VWC2L: variants seen among roughly 807,000 people sequenced by gnomAD.
The protein encoded by VWC2L is von Willebrand factor C domain-containing protein 2-like.
Under a neutral mutation model 21.6 loss-of-function variants are expected in VWC2L, and 10 were observed. The ratio of observed to expected loss-of-function variants is 0.46; its 90% CI spans 0.29 to 0.78. The LOEUF (loss-of-function observed/expected upper bound fraction) is 0.78. Among genes scored for constraint, VWC2L ranks in the 30% least tolerant of loss-of-function variants. VWC2L has a pLI of 0.10. For synonymous variants in VWC2L, 96 were observed against 94.3 expected (o/e 1.02, Z -0.10); for missense variants, 209 against 277.1 (o/e 0.75, Z 1.74).
At chr2:214,445,474 G>A (rs1014653201) in intron 3 of VWC2L, among the ~76,000 whole-genome samples, 1 of 151,612 alleles carries the variant, frequency 6.6e-6, no homozygotes, top group East Asian at 1.9e-4. Flanking sequence ...TTAAACTAAT[G>A]AGCCAGAAAC....
intron 3 of VWC2L, among the ~76,000 whole-genome samples, chr2:214,488,538 G>A (rs143034061): frequency 2.5e-4 from 38 of 152,254 alleles, no homozygotes; most frequent in Middle Eastern, 3.4e-3. Flanking sequence ...GGTCAAGGCT[G>A]CATGAGCCGT....
chr2:214,564,153 T>A (rs1178017220), intron 3 of VWC2L, among the ~76,000 whole-genome samples: 1 of 152,090 alleles, frequency 6.6e-6, no homozygotes, highest in African/African-American at 2.4e-5. Flanking sequence ...AAAATACTCC[T>A]CAGAGAAATC....
At chr2:214,465,562 A>C (rs1295560857) in intron 3 of VWC2L, among the ~76,000 whole-genome samples, 1 of 151,824 alleles carries the variant, frequency 6.6e-6, no homozygotes, top group Non-Finnish European at 1.5e-5. Context: ...GGAAGGAATA[A>C]CTCCTGGACC....
At position 214,537,865 on chromosome 2, in the gene VWC2L, C is replaced by A. The variant is rs572321779; in HGVS notation, c.521-37807C>A. On this transcript the variant is annotated intron_variant, in intron 3 of 3. Coordinates refer to ENST00000312504, the MANE Select transcript of VWC2L (RefSeq NM_001080500.4). Reference sequence around the variant, plus strand: ...CAATCCATAAAACCAAACAAAGTGACCAAAAATAAGCAAATTGCTTCCAAA... The same window carrying A: ...CAATCCATAAAACCAAACAAAGTGAACAAAAATAAGCAAATTGCTTCCAAA... Among the ~76,000 whole-genome samples the A allele has an allele frequency of 5.4e-5, 8 of 149,288 alleles. No homozygotes were observed. In the South Asian group the frequency reaches 1.7e-3, roughly 32 times the overall value.
intron 3 of VWC2L, among the ~76,000 whole-genome samples, chr2:214,503,356 GA>G (rs1048860243): frequency 1.1e-4 from 16 of 146,274 alleles, no homozygotes; most frequent in Admixed American, 1.3e-4. Context: ...ATTTTAATCA[GA>G]AAAAAAAATG....
At chr2:214,487,378 G>C (rs902132705) in intron 3 of VWC2L, among the ~76,000 whole-genome samples, 1 of 151,962 alleles carries the variant, frequency 6.6e-6, no homozygotes, top group African/African-American at 2.4e-5. Context: ...CTGGTCAGTT[G>C]CTGGGGCTAC....
chr2:214,533,245 G>A (rs1157058536), intron 3 of VWC2L, among the ~76,000 whole-genome samples: 1 of 152,002 alleles, frequency 6.6e-6, no homozygotes, highest in East Asian at 1.9e-4. Context: ...ATACGTATAT[G>A]TATGTATATT....
rs560229776 is a variant in VWC2L at position 214,485,360 on chromosome 2, T to C, written c.520+48602T>C. Among the ~76,000 whole-genome samples the C allele has an allele frequency of 2.6e-5, 4 of 151,836 alleles. No homozygotes were observed. In the South Asian group the frequency reaches 8.3e-4, roughly 32 times the overall value. On this transcript the variant is annotated intron_variant, in intron 3 of 3. Transcript: ENST00000312504. ...TAACTACAACTTGTCGGGGAAGAAA[T>C]AGCATGCAGTGGTAAAGAGACAAGC...
At chr2:214,477,971 G>T (rs1688549804) in intron 3 of VWC2L, among the ~76,000 whole-genome samples, 1 of 152,110 alleles carries the variant, frequency 6.6e-6, no homozygotes, top group Admixed American at 6.6e-5. Context: ...AACTTCTTTG[G>T]TGGAAGTTCT....
intron 3 of VWC2L, among the ~76,000 whole-genome samples, chr2:214,478,798 G>C (rs1574587201): frequency 6.6e-6 from 1 of 152,172 alleles, no homozygotes; most frequent in Non-Finnish European, 1.5e-5. Flanking sequence ...GCCACAGAAA[G>C]AGCCCATCTG....
At position 214,414,776 on chromosome 2, in the gene VWC2L, A is replaced by C. The variant is rs146375941; in HGVS notation, c.390+193A>C. 8 of 632,720 alleles carry C rather than the reference A, an allele frequency of 1.3e-5. No homozygotes were observed. The African/African-American group carries it at 1.5e-4, about 12-fold the overall frequency. The allele number at this position is 632,720 out of a possible 1,614,324, so 39.2% of individuals were successfully genotyped here. A position where few individuals can be genotyped will look rare whatever the true frequency, so the allele number is the denominator to read the frequency against. ...ACTGGTTTGTTGATCATATTTGTTA[A>C]GTTGCACAATAACCTTTATTTTTTT... On this transcript the variant is annotated intron_variant, in intron 2 of 3. Transcript: ENST00000312504.
intron 3 of VWC2L, among the ~76,000 whole-genome samples, chr2:214,527,426 C>T (rs1048851455): frequency 6.6e-6 from 1 of 152,098 alleles, no homozygotes; most frequent in Admixed American, 6.6e-5. Context: ...AAGAAGAAAA[C>T]CATCTCCAAT....
intron 3 of VWC2L, among the ~76,000 whole-genome samples, chr2:214,517,448 A>T (rs1689161445): frequency 6.6e-6 from 1 of 152,164 alleles, no homozygotes; most frequent in African/African-American, 2.4e-5. Context: ...GGGCTTTTGG[A>T]ACTCATATTG....
At chr2:214,415,466 C>G (rs562631948) in intron 2 of VWC2L, among the ~76,000 whole-genome samples, 1 of 152,182 alleles carries the variant, frequency 6.6e-6, no homozygotes, top group South Asian at 2.1e-4. Context: ...TTCATCTAAC[C>G]AAGTTCTGTG....
At chr2:214,514,060 C>A (rs980995185) in intron 3 of VWC2L, among the ~76,000 whole-genome samples, 4 of 152,010 alleles carry the variant, frequency 2.6e-5, no homozygotes, top group Non-Finnish European at 5.9e-5. Flanking sequence ...ATGGTTCAGC[C>A]CATATACACA....
intron 3 of VWC2L, among the ~76,000 whole-genome samples, chr2:214,567,292 G>T (rs1400533682): frequency 6.6e-6 from 1 of 152,046 alleles, no homozygotes; most frequent in Non-Finnish European, 1.5e-5. Context: ...GCTTTAAAAA[G>T]GATCTGGGTC....
chr2:214,436,405 G>A (rs986785513), intron 2 of VWC2L: 11 of 478,038 alleles, frequency 2.3e-5, no homozygotes, highest in Middle Eastern at 5.8e-4. Context: ...AGTCATACAC[G>A]GGTGCTTTTC....
At chr2:214,514,811 T>C (rs1689115127) in intron 3 of VWC2L, among the ~76,000 whole-genome samples, 1 of 152,236 alleles carries the variant, frequency 6.6e-6, no homozygotes, top group Non-Finnish European at 1.5e-5. Flanking sequence ...ATAATCACAG[T>C]TTCCACCTCG....
chr2:214,572,846 C>T (rs1489197489), intron 3 of VWC2L, among the ~76,000 whole-genome samples: 1 of 152,080 alleles, frequency 6.6e-6, no homozygotes, highest in Non-Finnish European at 1.5e-5. Context: ...CTGTAAAATA[C>T]CTCTGGCCAT....
Sources: allele counts gnomAD v4.1 joint callset (sites outside exome capture counted in the v4.1 genomes callset), GRCh38; gene constraint gnomAD v4.1.1; transcripts MANE v1.5; gene names NCBI Gene and HGNC (gene_info 2026-07-23, HGNC 2026-07-21).